Variants in SGCZ observed in about 807,000 individuals in gnomAD.
The protein encoded by SGCZ is zeta-sarcoglycan.
A neutral mutation model predicts 41.3 loss-of-function variants in SGCZ; 40 were observed. The observed-to-expected ratio is 0.97, with a 90% CI of 0.75 to 1.26. SGCZ has a LOEUF of 1.26. Ranked by LOEUF, SGCZ falls within the 50% of genes most tolerant of loss-of-function variation. SGCZ has a pLI of 0.00. For synonymous variants in SGCZ, 206 were observed against 137.5 expected (o/e 1.50, Z -3.49); for missense variants, 552 against 369.8 (o/e 1.49, Z -4.04).
At chr8:14,709,569 G>C (rs941360303) in intron 1 of SGCZ, among the ~76,000 whole-genome samples, 2 of 151,964 alleles carry the variant, frequency 1.3e-5, no homozygotes, top group Non-Finnish European at 2.9e-5. Context: ...TACGGCATAA[G>C]CAGGAATGCA....
At chr8:14,286,508 T>G (rs1261452201) in intron 3 of SGCZ, among the ~76,000 whole-genome samples, 12 of 152,164 alleles carry the variant, frequency 7.9e-5, no homozygotes, top group Admixed American at 7.9e-4. Context: ...TGAAGAGTGT[T>G]CTGAGGTTGT....
At chr8:14,604,145 T>A (rs1425560555) in intron 1 of SGCZ, among the ~76,000 whole-genome samples, 1 of 152,094 alleles carries the variant, frequency 6.6e-6, no homozygotes, top group Non-Finnish European at 1.5e-5. Flanking sequence ...AAAACACTTA[T>A]CAAAAATGCT....
intron 3 of SGCZ, among the ~76,000 whole-genome samples, chr8:14,239,515 T>G (rs952549773): frequency 6.6e-6 from 1 of 152,192 alleles, no homozygotes; most frequent in Admixed American, 6.5e-5. Flanking sequence ...TGACACTATA[T>G]GTTTTTATTT....
At chr8:14,997,099 T>A (rs1802245267) in intron 1 of SGCZ, among the ~76,000 whole-genome samples, 1 of 152,244 alleles carries the variant, frequency 6.6e-6, no homozygotes, top group African/African-American at 2.4e-5. Flanking sequence ...ATTTCTGATA[T>A]TTCTGGCTAA....
rs547329737 is a variant in SGCZ at position 14,290,730 on chromosome 8, T to C, written c.336+33373A>G. On this transcript the variant is annotated intron_variant, in intron 3 of 7. Coordinates refer to ENST00000382080, the MANE Select transcript of SGCZ (RefSeq NM_139167.4). ...GGAGAATAGTGAACAAATACACTGC[T>C]GGTGGGAATGTAAATGTAAATTAGT... Among the ~76,000 whole-genome samples, 92 of 66,478 alleles carry C rather than the reference T, an allele frequency of 1.4e-3. 1 individual carries two copies. In the East Asian group the frequency reaches 0.021, roughly 15 times the overall value. The allele number at this position is 66,478 out of a possible 152,430, so 43.6% of individuals were successfully genotyped here. A position where few individuals can be genotyped will look rare whatever the true frequency, so the allele number is the denominator to read the frequency against.
chr8:14,810,924 T>C (rs1295997506), intron 1 of SGCZ, among the ~76,000 whole-genome samples: 2 of 152,028 alleles, frequency 1.3e-5, no homozygotes, highest in African/African-American at 4.8e-5. Flanking sequence ...CTATCATCAA[T>C]CCCCTTCACT....
At chr8:14,589,466 T>C (rs1805172373) in intron 1 of SGCZ, among the ~76,000 whole-genome samples, 3 of 152,142 alleles carry the variant, frequency 2.0e-5, no homozygotes, top group Admixed American at 2.0e-4. Flanking sequence ...AAAACATGTA[T>C]TAGATTTAGA....
At chr8:14,876,561 T>A (rs1804363505) in intron 1 of SGCZ, among the ~76,000 whole-genome samples, 1 of 152,142 alleles carries the variant, frequency 6.6e-6, no homozygotes, top group Admixed American at 6.6e-5. Context: ...ACCGTACACT[T>A]TAAACGGGTA....
chr8:15,028,141 T>C (rs989772410), intron 1 of SGCZ, among the ~76,000 whole-genome samples: 1 of 152,118 alleles, frequency 6.6e-6, no homozygotes, highest in African/African-American at 2.4e-5. Flanking sequence ...CAACTGTCCC[T>C]GGACTTGTCA....
At chr8:15,216,609 G>T (rs549968362) in intron 1 of SGCZ, among the ~76,000 whole-genome samples, 3 of 152,108 alleles carry the variant, frequency 2.0e-5, no homozygotes, top group Non-Finnish European at 2.9e-5. Context: ...ACTGTCAAGA[G>T]AACTATATAG....
chr8:14,254,153 G>C (rs553859906), intron 3 of SGCZ, among the ~76,000 whole-genome samples: 1 of 152,156 alleles, frequency 6.6e-6, no homozygotes, highest in South Asian at 2.1e-4. Context: ...CACTTATCTC[G>C]TTGCTTATAA....
intron 2 of SGCZ, among the ~76,000 whole-genome samples, chr8:14,479,731 CT>C (rs529812029): frequency 5.7e-5 from 3 of 52,974 alleles, no homozygotes; most frequent in Admixed American, 2.3e-4. Context: ...AATTCTACTT[CT>C]TTTTTTTTTT....
intron 1 of SGCZ, among the ~76,000 whole-genome samples, chr8:14,691,136 A>G (rs556443831): frequency 4.6e-5 from 7 of 152,338 alleles, no homozygotes; most frequent in African/African-American, 1.7e-4. Flanking sequence ...ACAAATTCCT[A>G]CATAACAGGA....
At chr8:15,132,404 T>C (rs1807944632) in intron 1 of SGCZ, among the ~76,000 whole-genome samples, 1 of 152,146 alleles carries the variant, frequency 6.6e-6, no homozygotes, top group South Asian at 2.1e-4. Flanking sequence ...TTATACCAAA[T>C]TTTCCTGTTC....
At chr8:14,946,471 T>C (rs943413798) in intron 1 of SGCZ, among the ~76,000 whole-genome samples, 3 of 152,018 alleles carry the variant, frequency 2.0e-5, no homozygotes, top group African/African-American at 7.2e-5. Flanking sequence ...CTCCATGATG[T>C]GCCTCAGGTA....
intron 1 of SGCZ, among the ~76,000 whole-genome samples, chr8:15,024,602 C>A (rs1470372695): frequency 5.9e-5 from 9 of 152,184 alleles, no homozygotes; most frequent in African/African-American, 2.2e-4. Flanking sequence ...GCAGTGTAAC[C>A]AGGCCCAGGT....
intron 1 of SGCZ, among the ~76,000 whole-genome samples, chr8:14,584,036 A>T (rs1009447991): frequency 1.3e-5 from 2 of 152,130 alleles, no homozygotes; most frequent in Admixed American, 1.3e-4. Context: ...TATGGATGCA[A>T]GAATATAAGT....
chr8:14,663,868 C>T (rs1249497379), intron 1 of SGCZ, among the ~76,000 whole-genome samples: 2 of 152,024 alleles, frequency 1.3e-5, no homozygotes, highest in Non-Finnish European at 2.9e-5. Context: ...CCATTCTATC[C>T]CCATCCCTAG....
intron 3 of SGCZ, among the ~76,000 whole-genome samples, chr8:14,305,684 G>C (rs980566707): frequency 5.7e-4 from 87 of 152,140 alleles, no homozygotes; most frequent in African/African-American, 2.1e-3. Flanking sequence ...CTTTGTGGTA[G>C]CTTGCAAATT....
Sources: allele counts gnomAD v4.1 joint callset (sites outside exome capture counted in the v4.1 genomes callset), GRCh38; gene constraint gnomAD v4.1.1; transcripts MANE v1.5; gene names NCBI Gene and HGNC (gene_info 2026-07-23, HGNC 2026-07-21).